The following LINGO1 variants were observed in gnomAD, a reference collection of about 807,000 sequenced individuals.
The protein encoded by LINGO1 is leucine-rich repeat and immunoglobulin-like domain-containing nogo receptor-interacting protein 1.
Under a neutral mutation model 37.3 loss-of-function variants are expected in LINGO1, and 11 were observed. The observed-to-expected ratio is 0.29, with a 90% CI of 0.19 to 0.49. The LOEUF (loss-of-function observed/expected upper bound fraction) is 0.49, where lower values mean the gene tolerates loss of function less well. Among genes scored for constraint, LINGO1 ranks in the 20% least tolerant of loss-of-function variants. The probability of loss-of-function intolerance (pLI) is 0.99; values close to 1 mark genes in which losing one functional copy is unlikely to be tolerated. For missense variants in LINGO1, 585 were observed against 878.2 expected (o/e 0.67, Z 4.22); for synonymous variants, 387 against 403.0 (o/e 0.96, Z 0.48).
chr15:77,672,010 C>CCTCCTCCTCCTCCTT (rs2075258670), intron 3 of LINGO1, among the ~76,000 whole-genome samples: 1 of 150,602 alleles, frequency 6.6e-6, no homozygotes, highest in African/African-American at 2.5e-5. Context: ...GCCTCCTCCT[C>CCTCCTCCTCCTCCTT]CTCCTCCTCC....
upstream of LINGO1, among the ~76,000 whole-genome samples, chr15:77,698,312 G>T (rs2075723466): frequency 6.6e-6 from 1 of 152,224 alleles, no homozygotes; most frequent in Non-Finnish European, 1.5e-5. Flanking sequence ...AGGTGAGGCA[G>T]CCAGGCCAGG....
chr15:77,820,177 C>A (rs1011635392), intron 1 of LINGO1: 51 of 152,180 alleles, frequency 3.4e-4, no homozygotes, highest in African/African-American at 1.2e-3. Flanking sequence ...TCCGGCCTGG[C>A]GCTAGGGTGG....
intron 1 of LINGO1, among the ~76,000 whole-genome samples, chr15:77,798,972 C>T (rs968351138): frequency 1.3e-5 from 2 of 152,146 alleles, no homozygotes; most frequent in African/African-American, 2.4e-5. Context: ...GGGTATGTCA[C>T]GTAGGCCTGT....
chr15:77,751,734 C>A (rs1461370160), intron 1 of LINGO1, among the ~76,000 whole-genome samples: 2 of 152,190 alleles, frequency 1.3e-5, no homozygotes, highest in Non-Finnish European at 2.9e-5. Context: ...ATTCAACTGG[C>A]CCCACTGCCT....
At chr15:77,683,650 C>CA (rs2075454448) in intron 2 of LINGO1, among the ~76,000 whole-genome samples, 1 of 151,906 alleles carries the variant, frequency 6.6e-6, no homozygotes, top group African/African-American at 2.4e-5. Flanking sequence ...CCTTTTTTAG[C>CA]AATACACAAT....
chr15:77,723,859 G>T (rs2076075549), intron 2 of LINGO1, among the ~76,000 whole-genome samples: 1 of 152,142 alleles, frequency 6.6e-6, no homozygotes, highest in African/African-American at 2.4e-5. Flanking sequence ...CGGAGCCGAG[G>T]CGGCTGTGAG....
At chr15:77,663,096 C>T (rs1162567427) in intron 3 of LINGO1, among the ~76,000 whole-genome samples, 5 of 152,216 alleles carry the variant, frequency 3.3e-5, no homozygotes, top group African/African-American at 1.2e-4. Context: ...TAAGTCTGCC[C>T]CAGTGGCATC....
At chr15:77,708,109 T>G (rs1034814834) in intron 2 of LINGO1, among the ~76,000 whole-genome samples, 47 of 152,178 alleles carry the variant, frequency 3.1e-4, no homozygotes, top group African/African-American at 1.0e-3. Flanking sequence ...CAAAAGAAAT[T>G]TCCTATAATG....
intron 3 of LINGO1, among the ~76,000 whole-genome samples, chr15:77,664,008 G>T (rs947897085): frequency 3.3e-5 from 5 of 152,164 alleles, no homozygotes; most frequent in African/African-American, 9.7e-5. Flanking sequence ...CTTGCCTTCG[G>T]ACCTCGGCTG....
chr15:77,636,633 G>T (rs1665896720), upstream of LINGO1, among the ~76,000 whole-genome samples: 2 of 152,078 alleles, frequency 1.3e-5, no homozygotes, highest in Admixed American at 1.3e-4. Context: ...ACCTTGAGGG[G>T]GTCACAGCCA....
At chr15:77,801,810 C>T (rs1033526323) in intron 1 of LINGO1, among the ~76,000 whole-genome samples, 1 of 152,158 alleles carries the variant, frequency 6.6e-6, no homozygotes, top group Non-Finnish European at 1.5e-5. Flanking sequence ...TACGCTCCCC[C>T]AGGCCAAGGT....
chr15:77,711,859 T>C (rs570901558), intron 2 of LINGO1, among the ~76,000 whole-genome samples: 1 of 148,590 alleles, frequency 6.7e-6, no homozygotes, highest in East Asian at 2.1e-4. Flanking sequence ...GCTTACCCTC[T>C]CTAGGCCTCT....
chr15:77,698,329 C>A (rs2075723584), upstream of LINGO1, among the ~76,000 whole-genome samples: 1 of 152,240 alleles, frequency 6.6e-6, no homozygotes, highest in Non-Finnish European at 1.5e-5. Context: ...CAGGAATTCA[C>A]TGCTTACTTA....
chr15:77,691,195 CTAAA>C (rs1014538051), intron 1 of LINGO1, among the ~76,000 whole-genome samples: 4 of 152,198 alleles, frequency 2.6e-5, no homozygotes, highest in African/African-American at 9.6e-5. Context: ...ACATTTAAGT[CTAAA>C]TAGCCACATG....
At chr15:77,721,092 C>T (rs761277492) in intron 2 of LINGO1, among the ~76,000 whole-genome samples, 2 of 152,132 alleles carry the variant, frequency 1.3e-5, no homozygotes, top group Non-Finnish European at 2.9e-5. Context: ...CTCCCCAGTC[C>T]ACTCCTGACT....
Position 77,613,772 on chromosome 15 carries a change from C to A in LINGO1, c.*272G>T. 2.2e-6 allele frequency: 1 copy of A among 451,262 alleles called. No homozygotes were observed. The allele number at this position is 451,262 out of a possible 1,614,324, so 28.0% of individuals were successfully genotyped here. On this transcript the variant is annotated 3_prime_UTR_variant, in exon 2 of 2. Coordinates refer to ENST00000355300, the MANE Select transcript of LINGO1 (RefSeq NM_032808.7). The stretch of plus-strand genomic sequence containing the variant: ...CGTAACTTTTTTATTGAATTATTGA[C>A]TCTGCCGCGTGTCGGTTCGTCGGCT...
chr15:77,640,510 C>G (rs906937763), intron 3 of LINGO1, among the ~76,000 whole-genome samples: 1 of 152,182 alleles, frequency 6.6e-6, no homozygotes, highest in African/African-American at 2.4e-5. Context: ...AAAGTAGGGA[C>G]TGTTATTATC....
At chr15:77,728,704 C>T (rs1596163167) in intron 2 of LINGO1, among the ~76,000 whole-genome samples, 2 of 152,348 alleles carry the variant, frequency 1.3e-5, no homozygotes, top group East Asian at 3.9e-4. Flanking sequence ...GCCATGAAGA[C>T]AAATGCTTGG....
intron 3 of LINGO1, among the ~76,000 whole-genome samples, chr15:77,674,150 G>A (rs957071532): frequency 2.6e-5 from 4 of 151,970 alleles, no homozygotes; most frequent in Admixed American, 6.5e-5. Context: ...CAAAACCCCT[G>A]GAGTCATGGT....
Sources: allele counts gnomAD v4.1 joint callset (sites outside exome capture counted in the v4.1 genomes callset), GRCh38; gene constraint gnomAD v4.1.1; transcripts MANE v1.5; gene names NCBI Gene and HGNC (gene_info 2026-07-23, HGNC 2026-07-21).